Variants in PATJ observed in about 807,000 individuals in gnomAD.
PATJ encodes PATJ crumbs cell polarity complex component, also known as inaD-like protein.
Under a neutral mutation model 224.9 loss-of-function variants are expected in PATJ, and 190 were observed. The ratio of observed to expected loss-of-function variants is 0.84; its 90% CI spans 0.75 to 0.95. The LOEUF is 0.95. Ranked by LOEUF, PATJ falls within the 40% of genes least tolerant of loss-of-function variation. The probability of loss-of-function intolerance (pLI) is 0.00; values close to 1 mark genes in which losing one functional copy is unlikely to be tolerated. For synonymous variants in PATJ, 769 were observed against 820.3 expected (o/e 0.94, Z 1.07); for missense variants, 2,121 against 2,270.3 (o/e 0.93, Z 1.34).
intron 17 of PATJ, among the ~76,000 whole-genome samples, chr1:61,840,520 A>T (rs1660914241): frequency 6.6e-6 from 1 of 152,024 alleles, no homozygotes; most frequent in Non-Finnish European, 1.5e-5. Flanking sequence ...TTTGACATAT[A>T]AATGGATTAT....
At chr1:62,120,012 A>G (rs1031920055) in intron 37 of PATJ, among the ~76,000 whole-genome samples, 2 of 152,124 alleles carry the variant, frequency 1.3e-5, no homozygotes, top group Non-Finnish European at 2.9e-5. Context: ...GGCAAAAGTT[A>G]TAATATACTG....
At position 61,901,433 on chromosome 1, in the gene PATJ, C is replaced by G. The variant is rs781748002; in HGVS notation, c.3355C>G (p.Leu1119Val). The G allele has an allele frequency of 3.8e-6, 6 of 1,583,856 alleles. No homozygotes were observed. The African/African-American group carries it at 6.9e-5, about 18-fold the overall frequency. ...CAGTCCAGCAGGGAAGACGAACGCA[C>G]TTAAAACTGGAGATAAAATACTTGA... ...EDSPAGKTNA[L>V]KTGDKILEVS... is the part of the protein sequence containing the mutation. The change falls in exon 24 of 44, where the codon CTT (leucine) becomes GTT (valine). Residue 1119 changes from leucine to valine, a missense_variant. By Grantham distance (32) the Leu-to-Val change is conservative (BLOSUM62 1). Coordinates refer to ENST00000642238, the MANE Select transcript of PATJ (RefSeq NM_001350145.3).
At chr1:62,040,848 T>G (rs1159830139) in intron 30 of PATJ, among the ~76,000 whole-genome samples, 2 of 152,138 alleles carry the variant, frequency 1.3e-5, no homozygotes, top group African/African-American at 2.4e-5. Flanking sequence ...GAAAAATAAC[T>G]TTTTTCTTCA....
At chr1:62,065,575 T>C (rs1258777257) in intron 31 of PATJ, among the ~76,000 whole-genome samples, 1 of 152,070 alleles carries the variant, frequency 6.6e-6, no homozygotes, top group African/African-American at 2.4e-5. Flanking sequence ...ACCATTGCAC[T>C]CCAGCCTGGG....
intron 32 of PATJ, among the ~76,000 whole-genome samples, chr1:62,084,198 G>A (rs1163066994): frequency 6.6e-6 from 1 of 152,208 alleles, no homozygotes; most frequent in East Asian, 1.9e-4. Context: ...AGGTTGCAGT[G>A]AGCTGAGATC....
chr1:62,089,774 G>T (rs1037295971), intron 33 of PATJ, among the ~76,000 whole-genome samples: 3 of 152,014 alleles, frequency 2.0e-5, no homozygotes, highest in African/African-American at 7.2e-5. Context: ...CCAGCTAGCA[G>T]AAAGTTAGCA....
At chr1:61,949,862 A>C (rs181607298) in intron 27 of PATJ, among the ~76,000 whole-genome samples, 1 of 152,068 alleles carries the variant, frequency 6.6e-6, no homozygotes, top group East Asian at 1.9e-4. Context: ...AGATCACACC[A>C]CTGCCCTCCA....
At chr1:62,135,433 T>C (rs1316100014) in intron 41 of PATJ, among the ~76,000 whole-genome samples, 1 of 150,392 alleles carries the variant, frequency 6.6e-6, no homozygotes, top group Admixed American at 6.7e-5. Context: ...GGAGAATTGC[T>C]TGAACTCGGG....
chr1:62,048,691 T>G (rs1163862079), intron 30 of PATJ, among the ~76,000 whole-genome samples: 1 of 152,060 alleles, frequency 6.6e-6, no homozygotes, highest in African/African-American at 2.4e-5. Flanking sequence ...TAAAGCAACC[T>G]TATAGGGTAG....
At chr1:61,747,662 G>T (rs1253739064) in intron 1 of PATJ, among the ~76,000 whole-genome samples, 1 of 152,084 alleles carries the variant, frequency 6.6e-6, no homozygotes, top group African/African-American at 2.4e-5. Flanking sequence ...GTTACTTTAA[G>T]AAAAGGCATA....
intron 7 of PATJ, among the ~76,000 whole-genome samples, chr1:61,780,092 T>G (rs1382003114): frequency 6.6e-6 from 1 of 151,692 alleles, no homozygotes; most frequent in East Asian, 1.9e-4. Context: ...CAACATGAGG[T>G]TTGGGGGGGA....
At chr1:62,148,103 A>G (rs1668237136) in intron 41 of PATJ, among the ~76,000 whole-genome samples, 181 bp from the exon 42 acceptor site, 1 of 122,496 alleles carries the variant, frequency 8.2e-6, no homozygotes, top group South Asian at 2.8e-4. Context: ...CCTGAGCAAC[A>G]GAGTGAGACA....
intron 41 of PATJ, among the ~76,000 whole-genome samples, chr1:62,143,607 C>T (rs867455634): frequency 6.6e-6 from 1 of 151,844 alleles, no homozygotes. Context: ...CCCACCACCA[C>T]GCCAGCTAAT....
chr1:61,873,965 T>C (rs1667009485), intron 20 of PATJ, among the ~76,000 whole-genome samples: 1 of 152,142 alleles, frequency 6.6e-6, no homozygotes, highest in African/African-American at 2.4e-5. Context: ...TGCTGAGAGC[T>C]TTCTTTTTGC....
At chr1:61,927,657 ATGCTTTTTG>A in intron 26 of PATJ, 64 bp from the exon 27 acceptor site, 1 of 931,004 alleles carries the variant, frequency 1.1e-6, no homozygotes, top group East Asian at 2.4e-5. Flanking sequence ...CTATCTTTTT[ATGCTTTTTG>A]TCATTGAAGA....
At chr1:62,066,248 T>C (rs957486517) in intron 31 of PATJ, among the ~76,000 whole-genome samples, 3 of 152,216 alleles carry the variant, frequency 2.0e-5, no homozygotes, top group Non-Finnish European at 4.4e-5. Context: ...ATTGGTCTAT[T>C]ACTATTCCCA....
chr1:61,897,369 T>C (rs1241238888), intron 22 of PATJ, among the ~76,000 whole-genome samples: 1 of 152,202 alleles, frequency 6.6e-6, no homozygotes, highest in African/African-American at 2.4e-5. Flanking sequence ...CCCCATTTAG[T>C]GTGGCTTAAC....
intron 14 of PATJ, among the ~76,000 whole-genome samples, chr1:61,811,920 G>C (rs1654845934): frequency 6.6e-6 from 1 of 151,446 alleles, no homozygotes; most frequent in Admixed American, 6.6e-5. Context: ...AATTAGCCGG[G>C]CGTGGTGGCG....
Position 62,039,176 on chromosome 1 carries a change from G to A in PATJ, c.4032+1127G>A, listed in dbSNP as rs566076338. The A allele has an allele frequency of 5.5e-4, 296 of 533,626 alleles. 1 individual carries two copies. Among genetic ancestry groups the A allele is most frequent in the African/African-American group, 1.1e-3 (59 of 52,180 alleles). 33.1% of individuals were successfully genotyped at this position (533,626 alleles called of 1,614,324 possible). Reference sequence around the variant, plus strand: ...CCATCCTACCTTTGTTAATTGTCTTGTAGAACTACTAAAGTTCCAGTAGTT... The same window carrying A: ...CCATCCTACCTTTGTTAATTGTCTTATAGAACTACTAAAGTTCCAGTAGTT... On this transcript the variant is annotated intron_variant, in intron 30 of 43. Transcript: ENST00000642238.
Sources: allele counts gnomAD v4.1 joint callset (sites outside exome capture counted in the v4.1 genomes callset), GRCh38; gene constraint gnomAD v4.1.1; transcripts MANE v1.5; gene names NCBI Gene and HGNC (gene_info 2026-07-23, HGNC 2026-07-21).